The following ZC3HAV1L variants were observed in gnomAD, a reference collection of about 807,000 sequenced individuals.
ZC3HAV1L encodes the protein ZC3HAV1 like, also known as zinc finger CCCH-type antiviral protein 1-like.
In ZC3HAV1L, 23 loss-of-function variants were observed where a neutral mutation model predicts 28.2. The ratio of observed to expected loss-of-function variants is 0.82; its 90% CI spans 0.59 to 1.16. The LOEUF is 1.16. Among genes scored for constraint, ZC3HAV1L ranks in the 50% most tolerant of loss-of-function variants. The pLI is 0.00. For synonymous variants in ZC3HAV1L, 180 were observed against 163.4 expected (o/e 1.10, Z -0.78); for missense variants, 376 against 387.7 (o/e 0.97, Z 0.25).
downstream of ZC3HAV1L, among the ~76,000 whole-genome samples, chr7:139,025,404 C>T (rs573723366): frequency 3.3e-5 from 5 of 150,328 alleles, no homozygotes; most frequent in East Asian, 2.0e-4. Context: ...GATGAGATCG[C>T]GCCATTGCAC....
At chr7:139,034,803 G>A in intron 1 of ZC3HAV1L, 125 bp from the exon 2 acceptor site, 1 of 1,448,352 alleles carries the variant, frequency 6.9e-7, no homozygotes, top group South Asian at 1.6e-5. Context: ...ATGAAACCGG[G>A]GATAGTATGG....
rs1454703125 is a variant in ZC3HAV1L, at chr7:139,034,600, G to T, written c.444C>A (p.Leu148=). The T allele has an allele frequency of 2.5e-6, 4 of 1,613,936 alleles. No individual in the cohort carries two copies. Among genetic ancestry groups the T allele is most frequent in the Non-Finnish European group, 3.4e-6 (4 of 1,180,002 alleles). ...QVLKSHGLFG[L]NENQLRILLL... ...GCAGGATCCGAAGCTGGTTTTCATTGAGACCAAAAAGTCCATGGCTTTTCA... is the reference window on the plus strand; with the variant it reads ...GCAGGATCCGAAGCTGGTTTTCATTTAGACCAAAAAGTCCATGGCTTTTCA... Residue 148 remains leucine (L), a synonymous_variant, in exon 2 of 5, where the codon CTC becomes CTA. Coordinates refer to ENST00000275766, the MANE Select transcript of ZC3HAV1L (RefSeq NM_080660.4).
At chr7:139,026,590 C>G (rs1815358622) in intron 4 of ZC3HAV1L, 30 bp from the exon 5 acceptor site, 3 of 1,611,562 alleles carry the variant, frequency 1.9e-6, no homozygotes, top group Non-Finnish European at 2.5e-6. Flanking sequence ...ATGACCATTA[C>G]AAATCTATCA....
downstream of ZC3HAV1L, chr7:139,022,371 TTG>T (rs1815262006): frequency 2.4e-6 from 1 of 422,862 alleles, no homozygotes; most frequent in South Asian, 1.7e-5. Context: ...TAGTGAGACC[TTG>T]TCTCTACTAA....
chr7:139,035,806 G>C lies in ZC3HAV1L; in HGVS notation c.212C>G (p.Ala71Gly), dbSNP rs1815694429. The change falls in exon 1 of 5, where the codon GCG becomes GGG. Residue 71 changes from alanine (A) to glycine (G), a missense_variant. Ala to Gly is a moderately conservative substitution (Grantham distance 60, BLOSUM62 0). Coordinates refer to ENST00000275766, the MANE Select transcript of ZC3HAV1L (RefSeq NM_080660.4). Reference sequence around the variant, plus strand: ...GGCGGAGGTGCCGCCACCGCCCACCGCGCCGGCCGCCGCCTCGGCCTCCGC... The same window carrying C: ...GGCGGAGGTGCCGCCACCGCCCACCCCGCCGGCCGCCGCCTCGGCCTCCGC... ...GDAEAEAAAG[A>G]VGGGGTSAWR... 3 of 1,485,918 alleles carry C rather than the reference G, an allele frequency of 2.0e-6. No individual in the cohort carries two copies. Among genetic ancestry groups the C allele is most frequent in the Non-Finnish European group, 2.7e-6 (3 of 1,126,954 alleles). 92.0% of individuals were successfully genotyped at this position (1,485,918 alleles called of 1,614,324 possible). A position where few individuals can be genotyped will look rare whatever the true frequency, so the allele number is the denominator to read the frequency against.
At chr7:139,034,972 C>A (rs577025922) in intron 1 of ZC3HAV1L, 5 of 985,446 alleles carry the variant, frequency 5.1e-6, no homozygotes, top group Non-Finnish European at 6.0e-6. Context: ...GCCTTCTCCC[C>A]GGCAACAGCT....
In ZC3HAV1L at chr7:139,026,799, GC is replaced by G; in HGVS notation, c.794del (p.Gly265AlafsTer63). Reference sequence around the variant, plus strand: ...CTGCGTGCACTCCTTGCTTCTCAAGGCCTTGTGAATGCTCAGTCGAAGGTGA... The same window carrying G: ...CTGCGTGCACTCCTTGCTTCTCAAGGCTTGTGAATGCTCAGTCGAAGGTGA... Reference protein sequence around the residue: ...NSSPSTEHSQGLEKQGVHAAG... With the variant: ...NSSPSTEHSQXLEKQGVHAAG... On this transcript the variant is annotated frameshift_variant, in exon 4 of 5. Coordinates refer to ENST00000275766, the MANE Select transcript of ZC3HAV1L (RefSeq NM_080660.4). LOFTEE classifies it high-confidence loss of function. 6.2e-7 allele frequency: 1 copy of G among 1,614,110 alleles called. No individual in the cohort carries two copies. The highest frequency in any genetic ancestry group is 8.5e-7 in the Non-Finnish European group (1 of 1,179,990).
At position 139,035,811 on chromosome 7, in the gene ZC3HAV1L, G is replaced by A. The variant is rs1405246428; in HGVS notation, c.207C>T (p.Ala69=). ...AGGTGCCGCCACCGCCCACCGCGCC[G>A]GCCGCCGCCTCGGCCTCCGCGTCCC... ...GLGDAEAEAA[A]GAVGGGGTSA... is the part of the protein sequence containing the mutation. Residue 69 remains alanine (A), a synonymous_variant, in exon 1 of 5, where the codon GCC becomes GCT. Coordinates refer to ENST00000275766, the MANE Select transcript of ZC3HAV1L (RefSeq NM_080660.4). The A allele has an allele frequency of 1.8e-5, 26 of 1,484,890 alleles. No homozygotes were observed. Among genetic ancestry groups the A allele is most frequent in the African/African-American group, 2.9e-5 (2 of 68,236 alleles). The allele number at this position is 1,484,890 out of a possible 1,614,324, so 92.0% of individuals were successfully genotyped here.
intron 1 of ZC3HAV1L, chr7:139,035,154 A>G: frequency 2.0e-6 from 2 of 985,472 alleles, no homozygotes; most frequent in Non-Finnish European, 2.4e-6. Context: ...GCCTCACCCA[A>G]GCCATCCAGC....
In ZC3HAV1L at chr7:139,035,936, C is replaced by G. The variant is rs1215942707; in HGVS notation, c.82G>C (p.Gly28Arg). The G allele has an allele frequency of 2.0e-6, 3 of 1,514,932 alleles. No homozygotes were observed. The East Asian group carries it at 8.0e-5, about 40-fold the overall frequency. The allele number at this position is 1,514,932 out of a possible 1,614,324, so 93.8% of individuals were successfully genotyped here. The change falls in exon 1 of 5, where the codon GGC (glycine) becomes CGC (arginine). Residue 28 changes from glycine (G) to arginine (R), a missense_variant. Physicochemically the swap from Gly to Arg is moderately radical, Grantham distance 125 (BLOSUM62 -2). Coordinates refer to ENST00000275766, the MANE Select transcript of ZC3HAV1L (RefSeq NM_080660.4). ...GGRMFLKDLR[G>R]HVELSEARLR... ...CTGGCCTCCGACAGCTCCACGTGGC[C>G]GCGCAGGTCCTTCAGGAACATGCGG...
chr7:139,035,580 C>A, intron 1 of ZC3HAV1L, 73 bp downstream of exon 1: 1 of 1,341,676 alleles, frequency 7.5e-7, no homozygotes, highest in South Asian at 1.9e-5. Flanking sequence ...CCCTTCCCGT[C>A]GCTCCCGCTT....
downstream of ZC3HAV1L, among the ~76,000 whole-genome samples, chr7:139,025,405 G>A (rs1422161977): frequency 3.3e-5 from 5 of 149,664 alleles, no homozygotes; most frequent in African/African-American, 9.9e-5. Flanking sequence ...ATGAGATCGC[G>A]CCATTGCACT....
chr7:139,034,170 T>G, intron 2 of ZC3HAV1L: 1 of 985,412 alleles, frequency 1.0e-6, no homozygotes, highest in Non-Finnish European at 1.2e-6. Context: ...CAGGCCACAA[T>G]TATGAACTAT....
downstream of ZC3HAV1L, among the ~76,000 whole-genome samples, chr7:139,022,180 A>T (rs1815258843): frequency 6.6e-6 from 1 of 152,214 alleles, no homozygotes; most frequent in Non-Finnish European, 1.5e-5. Flanking sequence ...GACAAGTCAA[A>T]CTGAAGCACT....
chr7:139,030,115 C>G (rs1337364248), intron 2 of ZC3HAV1L, among the ~76,000 whole-genome samples: 1 of 152,140 alleles, frequency 6.6e-6, no homozygotes, highest in Non-Finnish European at 1.5e-5. Context: ...GCTGAGTCAC[C>G]CTAACAATGC....
chr7:139,033,816 C>T (rs549714630), intron 2 of ZC3HAV1L: 1 of 985,468 alleles, frequency 1.0e-6, no homozygotes, highest in South Asian at 4.7e-5. Context: ...ACAGGAAGGA[C>T]TGGACCCAGC....
At chr7:139,035,501 C>T in intron 1 of ZC3HAV1L, 152 bp downstream of exon 1, 1 of 1,304,210 alleles carries the variant, frequency 7.7e-7, no homozygotes, top group Non-Finnish European at 9.7e-7. Flanking sequence ...CGGGGGAGGA[C>T]GCCCAGGAAA....
intron 2 of ZC3HAV1L, among the ~76,000 whole-genome samples, chr7:139,031,448 T>C (rs939722676): frequency 2.6e-4 from 39 of 152,118 alleles, no homozygotes; most frequent in Non-Finnish European, 4.3e-4. Context: ...TAACTAGGCA[T>C]GGTGGCACTT....
Position 139,036,012 on chromosome 7 carries a change from C to T in ZC3HAV1L, c.6G>A (p.Ala2=), listed in dbSNP as rs765905538. 6.0e-6 allele frequency: 9 copies of T among 1,506,254 alleles called. No homozygotes were observed. Among genetic ancestry groups the T allele is most frequent in the Non-Finnish European group, 7.9e-6 (9 of 1,135,684 alleles). 93.3% of individuals were successfully genotyped at this position (1,506,254 alleles called of 1,614,324 possible). A position where few individuals can be genotyped will look rare whatever the true frequency, so the allele number is the denominator to read the frequency against. ...TGAGGAAGGAGCACACTGTGGGCTC[C>T]GCCATGGTCGCTGGCGCGGGCCCTG... is the stretch of plus-strand genomic sequence containing the variant. The part of the protein sequence containing the change: M[A]EPTVCSFLTK... The change falls in exon 1 of 5, where the codon GCG becomes GCA. Residue 2 remains alanine (A), a synonymous_variant. Coordinates refer to ENST00000275766, the MANE Select transcript of ZC3HAV1L (RefSeq NM_080660.4).
Sources: gnomAD v4.1 joint callset for allele counts (sites outside exome capture counted in the v4.1 genomes callset) on GRCh38, gnomAD v4.1.1 for gene constraint, MANE v1.5 for transcripts, NCBI Gene and HGNC (gene_info 2026-07-23, HGNC 2026-07-21) for gene names.